The following HS3ST5 variants were observed in gnomAD, a reference collection of about 807,000 sequenced individuals.
The protein encoded by HS3ST5 is heparan sulfate-glucosamine 3-sulfotransferase 5.
Under a neutral mutation model 25.4 loss-of-function variants are expected in HS3ST5, and 10 were observed. That is an observed-to-expected ratio of 0.39 (90% confidence interval 0.24 to 0.67). The LOEUF is 0.67. Ranked by LOEUF, HS3ST5 falls within the 30% of genes least tolerant of loss-of-function variation. HS3ST5 has a pLI of 0.44. For missense variants in HS3ST5, 324 were observed against 420.7 expected, an observed-to-expected ratio of 0.77 and a Z score of 2.01; for synonymous variants, 170 against 162.4, an observed-to-expected ratio of 1.05 and a Z score of -0.36.
chr6:114,058,326 T>C (rs538827638), intron 4 of HS3ST5, 136 bp from the exon 5 acceptor site: 82 of 669,144 alleles, frequency 1.2e-4, no homozygotes, highest in Non-Finnish European at 2.0e-4. Flanking sequence ...AATGAACATA[T>C]GTTTGGGAAA....
intron 1 of HS3ST5, among the ~76,000 whole-genome samples, chr6:114,231,042 G>T (rs1262287507): frequency 1.3e-5 from 2 of 152,088 alleles, no homozygotes; most frequent in Admixed American, 1.3e-4. Context: ...TGTTGGAGGT[G>T]GGGCCTGGTG....
intron 4 of HS3ST5, among the ~76,000 whole-genome samples, chr6:114,060,036 C>T (rs564334922): frequency 2.4e-4 from 37 of 151,332 alleles, no homozygotes; most frequent in African/African-American, 6.8e-4. Context: ...TTTTTTGAGA[C>T]GGAGTCTTGG....
intron 1 of HS3ST5, among the ~76,000 whole-genome samples, chr6:114,313,025 GAAAAAAAAA>G (rs5879258): frequency 6.2e-4 from 10 of 16,126 alleles, no homozygotes; most frequent in Admixed American, 4.0e-3. Flanking sequence ...CCCTGCATCA[GAAAAAAAAA>G]AAAAAAAAAA....
intron 1 of HS3ST5, among the ~76,000 whole-genome samples, chr6:114,280,282 C>T (rs773248785): frequency 6.6e-6 from 1 of 151,864 alleles, no homozygotes; most frequent in Non-Finnish European, 1.5e-5. Flanking sequence ...CCCCAGGATA[C>T]AGGGGGTGAT....
intron 1 of HS3ST5, among the ~76,000 whole-genome samples, chr6:114,323,663 T>A (rs1776056866): frequency 6.6e-6 from 1 of 152,194 alleles, no homozygotes; most frequent in South Asian, 2.1e-4. Context: ...ACGGGTTTAA[T>A]ATGGTATATG....
chr6:114,325,059 T>C (rs991027058), intron 1 of HS3ST5, among the ~76,000 whole-genome samples: 6 of 152,300 alleles, frequency 3.9e-5, no homozygotes, highest in East Asian at 1.9e-4. Context: ...ATTGGCTTGG[T>C]GTAGAAAGTG....
intron 3 of HS3ST5, among the ~76,000 whole-genome samples, chr6:114,078,014 G>A (rs1302889490): frequency 1.3e-5 from 2 of 152,026 alleles, no homozygotes; most frequent in African/African-American, 2.4e-5. Flanking sequence ...AATATTTTAT[G>A]TGAAGAATTA....
At chr6:114,199,157 T>C (rs1582706789) in intron 2 of HS3ST5, among the ~76,000 whole-genome samples, 1 of 152,228 alleles carries the variant, frequency 6.6e-6, no homozygotes, top group Non-Finnish European at 1.5e-5. Flanking sequence ...ATAATGTTTA[T>C]GTTTTAACCA....
At chr6:114,238,655 G>A (rs568666841) in intron 1 of HS3ST5, among the ~76,000 whole-genome samples, 147 of 152,154 alleles carry the variant, frequency 9.7e-4, no homozygotes, top group Middle Eastern at 3.4e-3. Flanking sequence ...CATTGGGAGA[G>A]GGCTGGTCTA....
chr6:114,313,989 A>G (rs1340771291), intron 1 of HS3ST5, among the ~76,000 whole-genome samples: 1 of 152,120 alleles, frequency 6.6e-6, no homozygotes, highest in African/African-American at 2.4e-5. Context: ...GCAGTTGTGC[A>G]ATGTCAGCTC....
chr6:114,279,532 A>T (rs1045452071), intron 1 of HS3ST5, among the ~76,000 whole-genome samples: 10 of 152,026 alleles, frequency 6.6e-5, no homozygotes, highest in Admixed American at 6.6e-5. Flanking sequence ...TTGCAGTGAG[A>T]TCTAAATGAT....
chr6:114,203,688 C>T (rs954964341), intron 2 of HS3ST5, among the ~76,000 whole-genome samples: 3 of 152,162 alleles, frequency 2.0e-5, no homozygotes, highest in Admixed American at 6.6e-5. Context: ...CACACAAAGA[C>T]AGTTTAAACA....
intron 2 of HS3ST5, among the ~76,000 whole-genome samples, chr6:114,202,590 G>T (rs1483459198): frequency 1.3e-5 from 2 of 152,094 alleles, no homozygotes; most frequent in Admixed American, 6.5e-5. Flanking sequence ...CAATAGGTTG[G>T]CTGTCAGGTT....
chr6:114,179,150 C>T (rs553831842), intron 2 of HS3ST5: 1 of 152,244 alleles, frequency 6.6e-6, no homozygotes, highest in African/African-American at 2.4e-5. Context: ...AATGTAAGCT[C>T]CATGAAGGTA....
intron 3 of HS3ST5, among the ~76,000 whole-genome samples, chr6:114,131,887 G>A (rs971967806): frequency 1.3e-5 from 2 of 152,082 alleles, no homozygotes; most frequent in African/African-American, 4.8e-5. Flanking sequence ...CCTTTCACTG[G>A]TGCCAAGGGA....
At chr6:114,145,426 C>T (rs576799730) in intron 3 of HS3ST5, among the ~76,000 whole-genome samples, 20 of 152,168 alleles carry the variant, frequency 1.3e-4, no homozygotes, top group African/African-American at 4.8e-4. Context: ...TTATCTGAGC[C>T]CTGGTTTATG....
At chr6:114,250,596 A>T (rs1042858946) in intron 1 of HS3ST5, among the ~76,000 whole-genome samples, 29 of 152,140 alleles carry the variant, frequency 1.9e-4, no homozygotes, top group African/African-American at 6.7e-4. Context: ...AAAAAAAAAA[A>T]ATTTATCAGA....
At chr6:114,067,435 A>T (rs1171785762) in intron 3 of HS3ST5, among the ~76,000 whole-genome samples, 1 of 152,192 alleles carries the variant, frequency 6.6e-6, no homozygotes, top group Non-Finnish European at 1.5e-5. Flanking sequence ...TGCAAGATTT[A>T]GGAAACTATG....
intron 2 of HS3ST5, among the ~76,000 whole-genome samples, chr6:114,195,393 T>C (rs1160301676): frequency 6.6e-6 from 1 of 152,094 alleles, no homozygotes; most frequent in East Asian, 1.9e-4. Flanking sequence ...CCCATGTCAC[T>C]AAGCAGGTAA....
Sources: allele counts gnomAD v4.1 joint callset (sites outside exome capture counted in the v4.1 genomes callset), GRCh38; gene constraint gnomAD v4.1.1; transcripts MANE v1.5; gene names NCBI Gene and HGNC (gene_info 2026-07-23, HGNC 2026-07-21).